CSMD1: variants seen among roughly 807,000 people sequenced by gnomAD.
CSMD1 encodes CUB and Sushi multiple domains 1.
Under a neutral mutation model 417.5 loss-of-function variants are expected in CSMD1, and 213 were observed. That is an observed-to-expected ratio of 0.51 (90% CI 0.46 to 0.57). CSMD1 has a LOEUF of 0.57. Among genes scored for constraint, CSMD1 ranks in the 20% least tolerant of loss-of-function variants. The probability of loss-of-function intolerance (pLI) is 0.00; values close to 1 mark genes in which losing one functional copy is unlikely to be tolerated. For synonymous variants in CSMD1, 2,862 were observed against 1,736.8 expected, an observed-to-expected ratio of 1.65 and a Z score of -16.11; for missense variants, 6,923 against 4,529.7, an observed-to-expected ratio of 1.53 and a Z score of -15.17.
At position 4,698,247 on chromosome 8, in the gene CSMD1, T is replaced by G. The variant is rs373140641; in HGVS notation, c.86-60689A>C. On this transcript the variant is annotated intron_variant, in intron 1 of 69. Transcript: ENST00000635120. Reference sequence around the variant, plus strand: ...CTGGTTCTTCATCAGTATTAAACATTTTAGTCAACATGAAGAGCTGTGTCG... The same window carrying G: ...CTGGTTCTTCATCAGTATTAAACATGTTAGTCAACATGAAGAGCTGTGTCG... Among the ~76,000 whole-genome samples, 273 of 152,216 alleles carry G rather than the reference T, an allele frequency of 1.8e-3. 12 individuals carry two copies. The South Asian group carries it at 0.051, about 28-fold the overall frequency.
At chr8:4,480,514 C>G (rs1236744947) in intron 2 of CSMD1, among the ~76,000 whole-genome samples, 1 of 152,194 alleles carries the variant, frequency 6.6e-6, no homozygotes, top group East Asian at 1.9e-4. Flanking sequence ...ACTTGGTGGA[C>G]GGAAATTTCT....
intron 39 of CSMD1, among the ~76,000 whole-genome samples, chr8:3,153,013 C>T (rs578247605): frequency 1.3e-5 from 2 of 152,328 alleles, no homozygotes; most frequent in African/African-American, 2.4e-5. Context: ...AAGGCTGAAA[C>T]GTACTGGGCT....
chr8:3,810,115 G>T lies in CSMD1; in HGVS notation c.819-56073C>A, dbSNP rs143789835. ...GTTTATTCAGCTGTCTTTCTGCCTT[G>T]GTTTGCCAAGAGTGCTCCCAGGCCC... On this transcript the variant is annotated intron_variant, in intron 5 of 69. Transcript: ENST00000635120. 3.1e-3 allele frequency among the ~76,000 whole-genome samples: 470 copies of T among 152,210 alleles called. 2 individuals carry two copies. The highest frequency in any genetic ancestry group is 0.014 in the Middle Eastern group (4 of 294).
intron 3 of CSMD1, among the ~76,000 whole-genome samples, chr8:4,047,575 G>C (rs946614326): frequency 7.2e-5 from 11 of 151,982 alleles, no homozygotes; most frequent in Non-Finnish European, 1.0e-4. Context: ...AAATTATGTT[G>C]AATATTTACT....
chr8:4,471,520 G>A (rs538180409), intron 2 of CSMD1, among the ~76,000 whole-genome samples: 2 of 151,976 alleles, frequency 1.3e-5, no homozygotes, highest in African/African-American at 4.8e-5. Context: ...GTCACAGGAC[G>A]GCACTTCTGC....
chr8:3,690,146 C>T (rs1283125133), intron 7 of CSMD1, among the ~76,000 whole-genome samples: 1 of 152,130 alleles, frequency 6.6e-6, no homozygotes, highest in Non-Finnish European at 1.5e-5. Flanking sequence ...ATCACTTAAG[C>T]CCAGGAGTTT....
At chr8:4,291,961 G>A (rs1043967945) in intron 3 of CSMD1, among the ~76,000 whole-genome samples, 3 of 152,180 alleles carry the variant, frequency 2.0e-5, no homozygotes, top group Non-Finnish European at 2.9e-5. Context: ...CTGGTGTCCA[G>A]AAGGAATTTC....
intron 1 of CSMD1, among the ~76,000 whole-genome samples, chr8:4,864,646 C>T (rs907693648): frequency 6.6e-6 from 1 of 151,484 alleles, no homozygotes; most frequent in African/African-American, 2.4e-5. Context: ...TCAATGAATA[C>T]ACACAAGCAG....
chr8:4,563,197 T>C (rs892348593), intron 2 of CSMD1, among the ~76,000 whole-genome samples: 2 of 152,018 alleles, frequency 1.3e-5, no homozygotes, highest in African/African-American at 4.8e-5. Flanking sequence ...GTCAGGAGAT[T>C]GAGACCATCC....
intron 5 of CSMD1, among the ~76,000 whole-genome samples, chr8:3,931,001 T>C (rs1810099489): frequency 6.6e-6 from 1 of 150,608 alleles, no homozygotes; most frequent in South Asian, 2.1e-4. Context: ...TTTAAAGGTG[T>C]TAACTAGCCA....
intron 1 of CSMD1, among the ~76,000 whole-genome samples, chr8:4,836,923 C>T (rs1800529293): frequency 2.0e-5 from 3 of 152,064 alleles, no homozygotes; most frequent in African/African-American, 7.2e-5. Context: ...GTGTAGAGTT[C>T]TAATGGGAAA....
rs780682593 is a variant in CSMD1 at position 3,661,131 on chromosome 8, A to G, written c.1010-44334T>C. Among the ~76,000 whole-genome samples the G allele has an allele frequency of 7.2e-5, 11 of 152,220 alleles. 1 individual carries two copies. The highest frequency in any genetic ancestry group is 2.0e-4 in the Admixed American group (3 of 15,276). On this transcript the variant is annotated intron_variant, in intron 7 of 69. Coordinates refer to ENST00000635120, the MANE Select transcript of CSMD1 (RefSeq NM_033225.6). The stretch of plus-strand genomic sequence containing the variant: ...GTTAAAGCAAACTAAATATAGCCTG[A>G]GGAGAACTCCGTACTTTCGTATATG...
Position 3,920,524 on chromosome 8 carries a change from G to A in CSMD1, c.818+77379C>T, listed in dbSNP as rs187821707. 4.9e-4 allele frequency among the ~76,000 whole-genome samples: 74 copies of A among 152,088 alleles called. 1 individual carries two copies. The highest frequency in any genetic ancestry group is 8.3e-4 in the South Asian group (4 of 4,822). ...GGACTTTCAGTACTATATTAAGTAC[G>A]TTTGGCACGAGTAGGCAACTTGTCT... On this transcript the variant is annotated intron_variant, in intron 5 of 69. Coordinates refer to ENST00000635120, the MANE Select transcript of CSMD1 (RefSeq NM_033225.6).
intron 1 of CSMD1, chr8:4,788,506 G>C: frequency 7.3e-7 from 1 of 1,378,314 alleles, no homozygotes; most frequent in Non-Finnish European, 1.0e-6. Flanking sequence ...ATTTAGTATG[G>C]AGCAAACTGT....
In CSMD1 at chr8:4,866,848, C is replaced by G. The variant is rs560171331; in HGVS notation, c.85+127484G>C. Reference sequence around the variant, plus strand: ...TTTTCATGATTTTTAAAAATTATAACTTTACCATTAATATAAAACTTTTAC... The same window carrying G: ...TTTTCATGATTTTTAAAAATTATAAGTTTACCATTAATATAAAACTTTTAC... On this transcript the variant is annotated intron_variant, in intron 1 of 69. Transcript: ENST00000635120. 4.6e-5 allele frequency among the ~76,000 whole-genome samples: 7 copies of G among 152,000 alleles called. No homozygotes were observed. The South Asian group carries it at 1.5e-3, about 32-fold the overall frequency.
chr8:4,663,203 G>A (rs141131246), intron 1 of CSMD1, among the ~76,000 whole-genome samples: 3 of 152,244 alleles, frequency 2.0e-5, no homozygotes, highest in Non-Finnish European at 2.9e-5. Context: ...GGCAAGACAA[G>A]CCTGAGACAC....
intron 7 of CSMD1, among the ~76,000 whole-genome samples, chr8:3,694,795 G>C (rs1242637437): frequency 6.6e-6 from 1 of 151,890 alleles, no homozygotes; most frequent in Non-Finnish European, 1.5e-5. Context: ...AGAAGTAACA[G>C]AAAGTGCAGG....
In CSMD1 at chr8:3,804,263, C is replaced by A. The variant is rs190957876; in HGVS notation, c.819-50221G>T. On this transcript the variant is annotated intron_variant, in intron 5 of 69. Transcript: ENST00000635120. ...CAAAATTTTAAACGTCAATTCAAAA[C>A]ATTTAACTTGCAGGTGCAGAATACT... 2.7e-3 allele frequency among the ~76,000 whole-genome samples: 408 copies of A among 152,196 alleles called. 1 individual carries two copies. The highest frequency in any genetic ancestry group is 6.8e-3 in the Middle Eastern group (2 of 294).
At chr8:4,065,544 T>C (rs1799200272) in intron 3 of CSMD1, among the ~76,000 whole-genome samples, 1 of 113,898 alleles carries the variant, frequency 8.8e-6, no homozygotes, top group South Asian at 3.3e-4. Flanking sequence ...TGTATGTTTC[T>C]TGATAGTAGC....
Sources: allele counts gnomAD v4.1 joint callset (sites outside exome capture counted in the v4.1 genomes callset), GRCh38; gene constraint gnomAD v4.1.1; transcripts MANE v1.5; gene names NCBI Gene and HGNC (gene_info 2026-07-23, HGNC 2026-07-21).